DNAH14: variants seen among roughly 807,000 people sequenced by gnomAD.
The protein encoded by DNAH14 is dynein axonemal heavy chain 14, also known as axonemal beta dynein heavy chain 14.
A neutral mutation model predicts 520.9 loss-of-function variants in DNAH14; 478 were observed. The observed-to-expected ratio is 0.92, with a 90% CI of 0.85 to 0.99. The LOEUF (loss-of-function observed/expected upper bound fraction) is 0.99, where lower values mean the gene tolerates loss of function less well. DNAH14 is among the 50% of genes least tolerant of loss of function. The probability of loss-of-function intolerance (pLI) is 0.00; values close to 1 mark genes in which losing one functional copy is unlikely to be tolerated. For missense variants in DNAH14, 4,831 were observed against 5,234.5 expected, an observed-to-expected ratio of 0.92 and a Z score of 2.38; for synonymous variants, 1,581 against 1,757.2, an observed-to-expected ratio of 0.90 and a Z score of 2.51.
At position 224,964,472 on chromosome 1, in the gene DNAH14, A is replaced by T. The variant is rs1459097725; in HGVS notation, c.368-7A>T. 6.2e-7 allele frequency: 1 copy of T among 1,605,672 alleles called. No homozygotes were observed. The highest frequency in any genetic ancestry group is 1.1e-5 in the South Asian group (1 of 89,150). On this transcript the variant is annotated splice_region_variant and splice_polypyrimidine_tract_variant and intron_variant, in intron 4 of 85. Coordinates refer to ENST00000682510, the MANE Select transcript of DNAH14 (RefSeq NM_001367479.1). ...TTATACTGGATTTTTAAATTGTTCT[A>T]TACCAGAACCAAAAGATGATGATGT...
At chr1:224,997,896 A>G (rs2489325) in intron 8 of DNAH14, among the ~76,000 whole-genome samples, 22,907 of 151,968 alleles carry the variant, frequency 0.15, 3,193 homozygotes, top group African/African-American at 0.36. Context: ...ACCAAACACC[A>G]CATGTTCTCA....
chr1:225,115,347 T>C (rs2076793058), intron 23 of DNAH14, among the ~76,000 whole-genome samples: 1 of 152,214 alleles, frequency 6.6e-6, no homozygotes, highest in South Asian at 2.1e-4. Context: ...AAACAGAATG[T>C]TTTTATGAGT....
intron 56 of DNAH14, among the ~76,000 whole-genome samples, chr1:225,302,951 G>A (rs774627923): frequency 6.6e-6 from 1 of 152,118 alleles, no homozygotes; most frequent in Non-Finnish European, 1.5e-5. Context: ...TTACGCAAGG[G>A]GTGTTCTGGG....
At chr1:225,073,991 GTTTTTTTTTTTTTTTT>G (rs34546228) in intron 17 of DNAH14, among the ~76,000 whole-genome samples, 1 of 55,044 alleles carries the variant, frequency 1.8e-5, no homozygotes, top group Non-Finnish European at 3.6e-5. Context: ...GTTTTAGGAA[GTTTTTTTTTTTTTTTT>G]TTTTTTTTTT....
chr1:225,342,463 A>G (rs2095207100), intron 69 of DNAH14, among the ~76,000 whole-genome samples: 2 of 152,118 alleles, frequency 1.3e-5, no homozygotes, highest in Admixed American at 1.3e-4. Flanking sequence ...AAAATTAAAT[A>G]TATATTTTTA....
In DNAH14 at chr1:225,126,288, A is replaced by G. The variant is rs564641828; in HGVS notation, c.4254+2674A>G. Among the ~76,000 whole-genome samples the G allele has an allele frequency of 7.9e-5, 12 of 152,320 alleles. 1 individual carries two copies. The South Asian group carries it at 2.3e-3, about 29-fold the overall frequency. ...CAAATCTTCAATTTGAAAAAAATGC[A>G]GTTCCTCCTTGTACCTCTGGTAGAA... On this transcript the variant is annotated intron_variant, in intron 27 of 85. Transcript: ENST00000682510.
chr1:224,952,840 C>CTGG lies in DNAH14; in HGVS notation c.77+66_77+68dup, dbSNP rs1303630855. ...AAAGTAAGATTTCAGCAGTGTATGG[C>CTGG]TGGTGGTAAGCCATTCTGACAGTGA... On this transcript the variant is annotated intron_variant, in intron 2 of 85. Transcript: ENST00000682510. 6 of 1,254,098 alleles carry CTGG rather than the reference C, an allele frequency of 4.8e-6. No homozygotes were observed. In the South Asian group the frequency reaches 5.9e-5, roughly 12 times the overall value. The allele number at this position is 1,254,098 out of a possible 1,614,324, so 77.7% of individuals were successfully genotyped here.
chr1:225,335,502 TAC>T lies in DNAH14; in HGVS notation c.10081-1760_10081-1759del, dbSNP rs1491184262. Among the ~76,000 whole-genome samples, 170 of 147,380 alleles carry T rather than the reference TAC, an allele frequency of 1.2e-3. 34 individuals carry two copies. The highest frequency in any genetic ancestry group is 1.6e-3 in the Non-Finnish European group (102 of 65,686). On this transcript the variant is annotated intron_variant, in intron 66 of 85. Transcript: ENST00000682510. The stretch of plus-strand genomic sequence containing the variant: ...ATGCACATATACACGTGTGTACATG[TAC>T]ACATATACATATGTACATATATACA...
intron 9 of DNAH14, among the ~76,000 whole-genome samples, chr1:225,004,075 C>G (rs2063977184): frequency 6.6e-6 from 1 of 152,006 alleles, no homozygotes; most frequent in Non-Finnish European, 1.5e-5. Context: ...TATAGAACAT[C>G]AGGAGGAAGA....
chr1:225,034,797 C>T (rs1311360160), intron 11 of DNAH14, among the ~76,000 whole-genome samples: 1 of 152,028 alleles, frequency 6.6e-6, no homozygotes, highest in Non-Finnish European at 1.5e-5. Flanking sequence ...CTGGCTCAGT[C>T]TTGTGAGGGC....
intron 54 of DNAH14, among the ~76,000 whole-genome samples, chr1:225,288,372 A>G (rs2093794278): frequency 6.6e-6 from 1 of 152,194 alleles, no homozygotes; most frequent in South Asian, 2.1e-4. Context: ...GAGTAGCTTA[A>G]GGAGATTTGG....
At chr1:225,252,871 C>T (rs2092607586) in intron 44 of DNAH14, among the ~76,000 whole-genome samples, 1 of 152,162 alleles carries the variant, frequency 6.6e-6, no homozygotes, top group African/African-American at 2.4e-5. Context: ...TATTCCCAAT[C>T]TTCTGCATCT....
intron 1 of DNAH14, among the ~76,000 whole-genome samples, chr1:224,932,470 G>A (rs1005938236): frequency 6.6e-6 from 1 of 151,920 alleles, no homozygotes; most frequent in Non-Finnish European, 1.5e-5. Context: ...AGTCCGATTT[G>A]TCTATTTTTA....
At chr1:225,202,538 T>C (rs1009122209) in intron 38 of DNAH14, among the ~76,000 whole-genome samples, 4 of 152,136 alleles carry the variant, frequency 2.6e-5, no homozygotes, top group Non-Finnish European at 5.9e-5. Flanking sequence ...TCACTCCCAC[T>C]GTGTCCCCGC....
At chr1:225,323,050 A>G (rs1357904473) in intron 62 of DNAH14, among the ~76,000 whole-genome samples, 1 of 152,220 alleles carries the variant, frequency 6.6e-6, no homozygotes, top group Non-Finnish European at 1.5e-5. Flanking sequence ...GATGAGAAAT[A>G]CTGTATATCT....
intron 38 of DNAH14, among the ~76,000 whole-genome samples, chr1:225,203,913 T>C (rs2149411324): frequency 6.6e-6 from 1 of 152,340 alleles, no homozygotes; most frequent in East Asian, 1.9e-4. Flanking sequence ...TTCTTGTGTT[T>C]TTCTGTTTTA....
chr1:224,966,725 A>G (rs1284347870), intron 5 of DNAH14, among the ~76,000 whole-genome samples: 1 of 152,130 alleles, frequency 6.6e-6, no homozygotes, highest in Admixed American at 6.6e-5. Flanking sequence ...TTTCTCTGTC[A>G]CCCAGGCTGA....
In DNAH14 at chr1:225,085,689, T is replaced by G. The variant is rs1277084452; in HGVS notation, c.3473T>G (p.Ile1158Ser). 1.3e-6 allele frequency: 2 copies of G among 1,551,416 alleles called. No individual in the cohort carries two copies. Among genetic ancestry groups the G allele is most frequent in the East Asian group, 4.9e-5 (2 of 40,814 alleles). Residue 1158 changes from isoleucine to serine, a missense_variant, in exon 21 of 86, where the codon ATC becomes AGC. Coordinates refer to ENST00000682510, the MANE Select transcript of DNAH14 (RefSeq NM_001367479.1). The part of the protein sequence containing the change: ...LILHHTEIYS[I>S]FIIPSIDDIS... ...CTTCACCACACAGAGATTTACTCTA[T>G]CTTCATAATTCCATCTATAGATGAC...
Position 225,351,851 on chromosome 1 carries a change from C to T in DNAH14, c.11501C>T (p.Ser3834Leu), listed in dbSNP as rs1308470266. 1 of 1,550,868 alleles carries T rather than the reference C, an allele frequency of 6.4e-7. No individual in the cohort carries two copies. The highest frequency in any genetic ancestry group is 2.0e-5 in the Admixed American group (1 of 50,920). The change falls in exon 72 of 86, where the codon TCA (serine) becomes TTA (leucine). Residue 3834 changes from serine (S) to leucine (L), a missense_variant. Transcript: ENST00000682510. ...ACACCTTTCTCTTCAGAAAATGCTT[C>T]ATTGGAGGAAAATACAAAACCACCA... ...ISTPFSSENA[S>L]LEENTKPPEE...
Sources: gnomAD v4.1 joint callset for allele counts (sites outside exome capture counted in the v4.1 genomes callset) on GRCh38, gnomAD v4.1.1 for gene constraint, MANE v1.5 for transcripts, NCBI Gene and HGNC (gene_info 2026-07-23, HGNC 2026-07-21) for gene names.